The following ENOX1 variants were observed in gnomAD, a reference collection of about 807,000 sequenced individuals.
ENOX1 encodes ecto-NOX disulfide-thiol exchanger 1.
In ENOX1, 42 loss-of-function variants were observed where a neutral mutation model predicts 82.5. That is an observed-to-expected ratio of 0.51 (90% confidence interval 0.40 to 0.66). The LOEUF is 0.66. Ranked by LOEUF, ENOX1 falls within the 30% of genes least tolerant of loss-of-function variation. ENOX1 has a pLI of 0.00. For missense variants in ENOX1, 608 were observed against 811.6 expected (o/e 0.75, Z 3.05); for synonymous variants, 271 against 282.2 (o/e 0.96, Z 0.40).
chr13:43,411,845 A>T (rs1594416197), intron 5 of ENOX1, 71 bp downstream of exon 5: 2 of 1,584,702 alleles, frequency 1.3e-6, no homozygotes, highest in East Asian at 4.5e-5. Flanking sequence ...GTACAGAGAG[A>T]TTACCAGGCA....
intron 12 of ENOX1, among the ~76,000 whole-genome samples, chr13:43,295,764 T>C (rs1267881156): frequency 6.6e-6 from 1 of 152,154 alleles, no homozygotes; most frequent in Non-Finnish European, 1.5e-5. Context: ...TTCTTTGTGG[T>C]GGGATTCAAA....
intron 1 of ENOX1, among the ~76,000 whole-genome samples, chr13:43,709,847 T>C (rs543234755): frequency 6.6e-6 from 1 of 152,196 alleles, no homozygotes; most frequent in South Asian, 2.1e-4. Flanking sequence ...ACAATAATCA[T>C]AAAAAACAGA....
chr13:43,265,268 C>A, intron 14 of ENOX1, 130 bp downstream of exon 14: 1 of 697,140 alleles, frequency 1.4e-6, no homozygotes, highest in South Asian at 2.5e-5. Flanking sequence ...TTGCCAAACC[C>A]ATATATTAAT....
chr13:43,715,224 T>C (rs2088030160), intron 1 of ENOX1, among the ~76,000 whole-genome samples: 1 of 152,250 alleles, frequency 6.6e-6, no homozygotes. Context: ...TCTTTAAGAA[T>C]GTTGAATATT....
intron 12 of ENOX1, among the ~76,000 whole-genome samples, chr13:43,281,137 C>G (rs1377805875): frequency 9.2e-5 from 14 of 152,190 alleles, no homozygotes; most frequent in Admixed American, 8.5e-4. Context: ...ATAGCAACTA[C>G]TGAACCTCTG....
intron 3 of ENOX1, among the ~76,000 whole-genome samples, chr13:43,453,160 C>T (rs2057055425): frequency 6.6e-6 from 1 of 152,118 alleles, no homozygotes. Context: ...TTCACCAGCC[C>T]CAGGGTCATG....
At chr13:43,499,258 A>G (rs2076896517) in intron 2 of ENOX1, among the ~76,000 whole-genome samples, 1 of 152,126 alleles carries the variant, frequency 6.6e-6, no homozygotes, top group Non-Finnish European at 1.5e-5. Context: ...GGAACAAAAA[A>G]GGGACACAGT....
intron 2 of ENOX1, among the ~76,000 whole-genome samples, chr13:43,561,940 T>G (rs1057468708): frequency 5.2e-5 from 7 of 135,626 alleles, no homozygotes; most frequent in African/African-American, 2.0e-4. Flanking sequence ...CTGCACTCCA[T>G]CCTGGACAAC....
chr13:43,325,854 T>C (rs1175938550), intron 10 of ENOX1, among the ~76,000 whole-genome samples: 1 of 152,142 alleles, frequency 6.6e-6, no homozygotes, highest in African/African-American at 2.4e-5. Flanking sequence ...ACTGTTCTCT[T>C]GGGGGTAGAT....
chr13:43,579,003 AT>A (rs555732326), intron 2 of ENOX1, among the ~76,000 whole-genome samples: 33 of 149,166 alleles, frequency 2.2e-4, no homozygotes, highest in Middle Eastern at 3.5e-3. Context: ...TTGTTCCTTC[AT>A]TTTTTTTTTC....
At chr13:43,341,748 G>C (rs2049076660) in intron 9 of ENOX1, among the ~76,000 whole-genome samples, 1 of 152,154 alleles carries the variant, frequency 6.6e-6, no homozygotes, top group South Asian at 2.1e-4. Context: ...ATTCTTCCTA[G>C]TAGCCATTCT....
chr13:43,630,254 G>A (rs2153750462), intron 2 of ENOX1, among the ~76,000 whole-genome samples: 1 of 152,238 alleles, frequency 6.6e-6, no homozygotes, highest in East Asian at 1.9e-4. Context: ...TAAGAACTAA[G>A]GTTGAGCAAC....
At position 43,399,957 on chromosome 13, in the gene ENOX1, C is replaced by T. The variant is rs970117813; in HGVS notation, c.208+11959G>A. Among the ~76,000 whole-genome samples the T allele has an allele frequency of 4.6e-5, 7 of 152,192 alleles. No individual in the cohort carries two copies. The South Asian group carries it at 1.5e-3, about 32-fold the overall frequency. The stretch of plus-strand genomic sequence containing the variant: ...CACTTTCTTGCCTCATCAGCCCACC[C>T]CTTTTTTCATGGCTCCACTGCCACT... On this transcript the variant is annotated intron_variant, in intron 5 of 16. Transcript: ENST00000690772.
intron 1 of ENOX1, among the ~76,000 whole-genome samples, chr13:43,775,406 T>A (rs113329533): frequency 2.6e-5 from 4 of 152,160 alleles, no homozygotes; most frequent in African/African-American, 9.7e-5. Flanking sequence ...TCTCACCAAG[T>A]GCTGGAATTA....
At chr13:43,321,595 G>A (rs2047813275) in intron 11 of ENOX1, among the ~76,000 whole-genome samples, 1 of 152,318 alleles carries the variant, frequency 6.6e-6, no homozygotes, top group South Asian at 2.1e-4. Context: ...TCTAACAGGT[G>A]TATGTTTTAT....
chr13:43,754,323 GTA>G (rs3044245), intron 1 of ENOX1, among the ~76,000 whole-genome samples: 98,654 of 141,840 alleles, frequency 0.7, 38,687 homozygotes, highest in South Asian at 0.88. Context: ...GTGTGTGTGT[GTA>G]TATATATATA....
intron 9 of ENOX1, among the ~76,000 whole-genome samples, chr13:43,329,390 G>A (rs2048299442): frequency 6.6e-6 from 1 of 152,160 alleles, no homozygotes. Flanking sequence ...ATGGGAGGAG[G>A]AAGAGGGGTG....
chr13:43,231,188 A>G (rs899178111), intron 15 of ENOX1, among the ~76,000 whole-genome samples: 3 of 152,224 alleles, frequency 2.0e-5, no homozygotes, highest in African/African-American at 7.2e-5. Flanking sequence ...AGGCCTGACC[A>G]TAAACCAGCC....
intron 2 of ENOX1, among the ~76,000 whole-genome samples, chr13:43,604,760 A>T (rs2081905022): frequency 6.6e-6 from 1 of 152,206 alleles, no homozygotes; most frequent in South Asian, 2.1e-4. Context: ...CACAACTGGA[A>T]GTCCTAGCCA....
Sources: allele counts gnomAD v4.1 joint callset (sites outside exome capture counted in the v4.1 genomes callset), GRCh38; gene constraint gnomAD v4.1.1; transcripts MANE v1.5; gene names NCBI Gene and HGNC (gene_info 2026-07-23, HGNC 2026-07-21).